C20orf203: variants seen among roughly 807,000 people sequenced by gnomAD.
C20orf203 encodes the protein uncharacterized protein C20orf203.
Under a neutral mutation model 15.9 loss-of-function variants are expected in C20orf203, and 16 were observed. The ratio of observed to expected loss-of-function variants is 1.01; its 90% confidence interval spans 0.68 to 1.53. The LOEUF is 1.53. Ranked by LOEUF, C20orf203 falls within the 40% of genes most tolerant of loss-of-function variation. C20orf203 has a pLI of 0.00. For synonymous variants in C20orf203, 98 were observed against 97.2 expected, an observed-to-expected ratio of 1.01 and a Z score of -0.05; for missense variants, 263 against 247.5, an observed-to-expected ratio of 1.06 and a Z score of -0.42.
At chr20:32,666,343 T>A (rs1983024604) in intron 1 of C20orf203, among the ~76,000 whole-genome samples, 1 of 151,712 alleles carries the variant, frequency 6.6e-6, no homozygotes, top group Admixed American at 6.6e-5. Flanking sequence ...GCCACATGCC[T>A]ATAGTCTCAT....
intron 4 of C20orf203, among the ~76,000 whole-genome samples, chr20:32,646,662 G>C (rs761379729): frequency 6.6e-6 from 1 of 152,192 alleles, no homozygotes; most frequent in African/African-American, 2.4e-5. Flanking sequence ...TCCGGGGAGG[G>C]AAACAGTTGG....
chr20:32,646,810 T>C (rs866247362), intron 4 of C20orf203, among the ~76,000 whole-genome samples: 2 of 152,228 alleles, frequency 1.3e-5, no homozygotes, highest in Admixed American at 6.5e-5. Context: ...GCCTGACACA[T>C]GCACTCATGC....
chr20:32,673,117 G>A lies in C20orf203; in HGVS notation c.-264+515C>T, dbSNP rs60992454. On this transcript the variant is annotated intron_variant, in intron 1 of 5. Coordinates refer to ENST00000608990, the MANE Select transcript of C20orf203 (RefSeq NM_182584.4). ...TGTGTCCCACCTCACACCCTGGGGC[G>A]GGTGAGGAGAGGAAGTGGAGGGGTT... 5.4e-3 allele frequency among the ~76,000 whole-genome samples: 815 copies of A among 152,280 alleles called. 9 individuals carry two copies. The highest frequency in any genetic ancestry group is 0.018 in the African/African-American group (765 of 41,552).
chr20:32,648,879 T>C (rs1312589995), intron 4 of C20orf203, among the ~76,000 whole-genome samples: 1 of 152,164 alleles, frequency 6.6e-6, no homozygotes, highest in African/African-American at 2.4e-5. Context: ...CTAACCATGG[T>C]AAGTGGTCAA....
chr20:32,639,777 C>T (rs191249182), intron 5 of C20orf203, among the ~76,000 whole-genome samples: 12 of 152,156 alleles, frequency 7.9e-5, no homozygotes, highest in Middle Eastern at 6.8e-3. Context: ...TTGGCCACTG[C>T]CCCCCTACTT....
At chr20:32,661,492 A>T (rs1041129621) in intron 1 of C20orf203, among the ~76,000 whole-genome samples, 4 of 152,084 alleles carry the variant, frequency 2.6e-5, no homozygotes, top group African/African-American at 2.4e-5. Flanking sequence ...CCCTCCAGAA[A>T]CCTTTCTTGC....
intron 1 of C20orf203, among the ~76,000 whole-genome samples, chr20:32,669,336 G>A (rs1244687008): frequency 6.6e-6 from 1 of 152,176 alleles, no homozygotes; most frequent in Non-Finnish European, 1.5e-5. Flanking sequence ...TGCCTCCGAG[G>A]ACACAGATCC....
At chr20:32,645,276 C>T (rs1039526872) in intron 4 of C20orf203, among the ~76,000 whole-genome samples, 3 of 152,172 alleles carry the variant, frequency 2.0e-5, no homozygotes, top group Admixed American at 6.5e-5. Flanking sequence ...AAAGGCCATG[C>T]CTAAGTCTTT....
rs1600931696 is a variant in C20orf203, at chr20:32,649,513, A to G, written c.*919T>C. 1 of 152,594 alleles carries G rather than the reference A, an allele frequency of 6.6e-6. No homozygotes were observed. Among genetic ancestry groups the G allele is most frequent in the Admixed American group, 6.5e-5 (1 of 15,314 alleles). 9.5% of individuals were successfully genotyped at this position (152,594 alleles called of 1,614,324 possible). ...GCCCAAGGCCACAGAGATGGGCAGT[A>G]CCAGAGTGGGTGGGTTCTAGCACAC... On this transcript the variant is annotated 3_prime_UTR_variant, in exon 4 of 6. Transcript: ENST00000608990.
At position 32,634,917 on chromosome 20, in the gene C20orf203, C is replaced by T. The variant is rs189913785; in HGVS notation, c.*1300-647G>A. 2.7e-3 allele frequency among the ~76,000 whole-genome samples: 406 copies of T among 152,266 alleles called. 1 individual carries two copies. Among genetic ancestry groups the T allele is most frequent in the Middle Eastern group, 6.8e-3 (2 of 294 alleles). ...TGTAGTTCCTTTTTAAAAATAATTT[C>T]AGCCAGACGCGGTCTCTCACACATG... On this transcript the variant is annotated intron_variant, in intron 5 of 5. Transcript: ENST00000608990.
intron 1 of C20orf203, among the ~76,000 whole-genome samples, chr20:32,663,242 C>A (rs1463893515): frequency 1.3e-5 from 2 of 151,498 alleles, no homozygotes; most frequent in Non-Finnish European, 1.5e-5. Context: ...GCCCCCGCAC[C>A]CAGCTAGATT....
chr20:32,654,294 C>T (rs998325844), intron 1 of C20orf203, among the ~76,000 whole-genome samples: 1 of 151,850 alleles, frequency 6.6e-6, no homozygotes, highest in Non-Finnish European at 1.5e-5. Context: ...AAAAGAAGTA[C>T]AAAACTTATA....
chr20:32,639,527 G>C (rs1458657297), intron 5 of C20orf203, among the ~76,000 whole-genome samples: 1 of 151,782 alleles, frequency 6.6e-6, no homozygotes, highest in African/African-American at 2.4e-5. Flanking sequence ...TGTAGTCCCA[G>C]CTACTCAAGA....
chr20:32,647,961 A>C (rs1457738688), intron 4 of C20orf203, among the ~76,000 whole-genome samples: 2 of 152,230 alleles, frequency 1.3e-5, no homozygotes, highest in Non-Finnish European at 2.9e-5. Context: ...TGGCACCTAC[A>C]GCACCCTAGG....
chr20:32,636,072 G>A (rs1982131133), intron 5 of C20orf203, among the ~76,000 whole-genome samples: 1 of 152,152 alleles, frequency 6.6e-6, no homozygotes, highest in Non-Finnish European at 1.5e-5. Context: ...TTCCACTGGG[G>A]AGGTCATGCA....
chr20:32,650,393 A>G lies in C20orf203; in HGVS notation c.*39T>C, dbSNP rs773987728. ...GAGGTGGTGGTGGCCTTGGTAGGAC[A>G]GGCAGGCAGAGCTGGGGGTGGGGGC... On this transcript the variant is annotated 3_prime_UTR_variant, in exon 4 of 6. Transcript: ENST00000608990. 6.9e-6 allele frequency: 10 copies of G among 1,447,800 alleles called. No homozygotes were observed. The highest frequency in any genetic ancestry group is 7.5e-6 in the Non-Finnish European group (8 of 1,061,532). The allele number at this position is 1,447,800 out of a possible 1,614,324, so 89.7% of individuals were successfully genotyped here.
rs150034868 is a variant in C20orf203, at chr20:32,634,050, C to T, written c.*1520G>A. 2 of 398,612 alleles carry T rather than the reference C, an allele frequency of 5.0e-6. No individual in the cohort carries two copies. The highest frequency in any genetic ancestry group is 7.1e-5 in the East Asian group (2 of 28,084). The allele number at this position is 398,612 out of a possible 1,614,324, so 24.7% of individuals were successfully genotyped here. ...TGAAATTGAAATGAGCCAGTTCTAC[C>T]CCGGTGTTGGGAATTCCGAGATGAA... is the stretch of plus-strand genomic sequence containing the variant. On this transcript the variant is annotated 3_prime_UTR_variant, in exon 6 of 6. Coordinates refer to ENST00000608990, the MANE Select transcript of C20orf203 (RefSeq NM_182584.4).
intron 4 of C20orf203, among the ~76,000 whole-genome samples, chr20:32,641,843 T>C (rs1982290108): frequency 6.6e-6 from 1 of 152,070 alleles, no homozygotes; most frequent in South Asian, 2.1e-4. Context: ...TCTGTTTTTG[T>C]TTTTGTTTTT....
intron 1 of C20orf203, among the ~76,000 whole-genome samples, chr20:32,663,718 T>G (rs1254798678): frequency 6.6e-6 from 1 of 152,192 alleles, no homozygotes; most frequent in Non-Finnish European, 1.5e-5. Context: ...CCAGCCCAGG[T>G]TCATCCCCTC....
Sources: allele counts gnomAD v4.1 joint callset (sites outside exome capture counted in the v4.1 genomes callset), GRCh38; gene constraint gnomAD v4.1.1; transcripts MANE v1.5; gene names NCBI Gene and HGNC (gene_info 2026-07-23, HGNC 2026-07-21).